TTC13: variants seen among roughly 807,000 people sequenced by gnomAD.
TTC13 encodes tetratricopeptide repeat domain 13, also known as tetratricopeptide repeat protein 13.
In TTC13, 62 loss-of-function variants were observed where a neutral mutation model predicts 120.0. That is an observed-to-expected ratio of 0.52 (90% CI 0.42 to 0.64). TTC13 has a LOEUF of 0.64. Ranked by LOEUF, TTC13 falls within the 30% of genes least tolerant of loss-of-function variation. The pLI is 0.00. For missense variants in TTC13, 824 were observed against 1,050.2 expected, an observed-to-expected ratio of 0.78 and a Z score of 2.98; for synonymous variants, 384 against 393.5, an observed-to-expected ratio of 0.98 and a Z score of 0.28.
In TTC13 at chr1:230,931,819, G is replaced by A; in HGVS notation, c.1042C>T (p.Gln348Ter). 6.2e-7 allele frequency: 1 copy of A among 1,614,140 alleles called. No homozygotes were observed. Among genetic ancestry groups the A allele is most frequent in the Non-Finnish European group, 8.5e-7 (1 of 1,180,020 alleles). Reference sequence around the variant, plus strand: ...AGCTGGAGGGTTTGCACATGATTTTGGTTGAGCAACAGTGCCTTTTGAAAG... The same window carrying A: ...AGCTGGAGGGTTTGCACATGATTTTAGTTGAGCAACAGTGCCTTTTGAAAG... ...ESFQKALLLN[Q>*]NHVQTLQLRG... Residue 348 changes from glutamine (Q) to a stop codon, truncating the protein, a stop_gained, in exon 10 of 23, where the codon CAA becomes TAA. Transcript: ENST00000366661. LOFTEE classifies it high-confidence loss of function.
rs112287874 is a variant in TTC13 at position 230,946,940 on chromosome 1, C to T, written c.514-1486G>A. ...TCATATTTCATAAATCATACTTATA[C>T]GTGATTGTGTGAGCCATTAGGTGCA... On this transcript the variant is annotated intron_variant, in intron 4 of 22. Transcript: ENST00000366661. Among the ~76,000 whole-genome samples, 1,372 of 152,072 alleles carry T rather than the reference C, an allele frequency of 9.0e-3. 13 individuals carry two copies. Among genetic ancestry groups the T allele is most frequent in the Non-Finnish European group, 0.014 (922 of 68,006 alleles).
chr1:230,949,554 C>T (rs1019467872), intron 4 of TTC13, among the ~76,000 whole-genome samples: 1 of 151,282 alleles, frequency 6.6e-6, no homozygotes, highest in Non-Finnish European at 1.5e-5. Flanking sequence ...TCAAGTCACC[C>T]CATGGTCTCA....
At chr1:230,956,271 T>C (rs1676076115) in intron 3 of TTC13, 1 of 167,022 alleles carries the variant, frequency 6.0e-6, no homozygotes, top group Non-Finnish European at 1.3e-5. Flanking sequence ...CAAACCACTG[T>C]GCACTGGAGG....
rs759466235 is a variant in TTC13, at chr1:230,939,529, T to C, written c.790-33A>G. 9 of 1,375,530 alleles carry C rather than the reference T, an allele frequency of 6.5e-6. No homozygotes were observed. In the African/African-American group the frequency reaches 1.0e-4, roughly 15 times the overall value. 85.2% of individuals were successfully genotyped at this position (1,375,530 alleles called of 1,614,324 possible). On this transcript the variant is annotated intron_variant, in intron 7 of 22. Coordinates refer to ENST00000366661, the MANE Select transcript of TTC13 (RefSeq NM_024525.5). ...AAGGAGAGTGGGGGGAAAAATAAAA[T>C]AGTATTCATTAGATATGTGAACATT... is the stretch of plus-strand genomic sequence containing the variant.
rs1389034027 is a variant in TTC13, at chr1:230,940,538, G to A, written c.691C>T (p.Arg231Ter). ...AGGTCATTCACTGCTTCATTAATTC[G>A]TCCCAGAGGGGACAGAATCTAGAAA... ...QRAEILSPLG[R>*]INEAVNDLTK... The change falls in exon 7 of 23, where the codon CGA (arginine) becomes TGA (stop). Residue 231 changes from arginine (R) to a stop codon, truncating the protein, a stop_gained. Transcript: ENST00000366661. LOFTEE classifies it high-confidence loss of function. This position sits in a 1 kb window ranked among gnomAD's most constrained non-coding sequence, Gnocchi z 4.1. 5.6e-6 allele frequency: 9 copies of A among 1,611,204 alleles called. No homozygotes were observed. The highest frequency in any genetic ancestry group is 2.2e-5 in the East Asian group (1 of 44,850).
At chr1:230,922,858 A>T (rs1672709463) in intron 15 of TTC13, among the ~76,000 whole-genome samples, 1 of 152,158 alleles carries the variant, frequency 6.6e-6, no homozygotes. Context: ...TCCCTTCTGT[A>T]TCCCCAACAC....
Position 230,940,223 on chromosome 1 carries a change from A to C in TTC13, c.789+217T>G. Among the ~76,000 whole-genome samples, 1 of 152,246 alleles carries C rather than the reference A, an allele frequency of 6.6e-6. No homozygotes were observed. Among genetic ancestry groups the C allele is most frequent in the East Asian group, 1.9e-4 (1 of 5,200 alleles). ...TTTTTTTAAATGCCAGTCCAGAATTAGTTATTGCTGACAGCTCAAACAAGA... is the reference window on the plus strand; with the variant it reads ...TTTTTTTAAATGCCAGTCCAGAATTCGTTATTGCTGACAGCTCAAACAAGA... On this transcript the variant is annotated intron_variant, in intron 7 of 22. Coordinates refer to ENST00000366661, the MANE Select transcript of TTC13 (RefSeq NM_024525.5). The surrounding 1 kb of genome is among the most constrained non-coding windows in gnomAD (Gnocchi z 4.1).
chr1:230,920,315 T>G (rs920894472), intron 17 of TTC13, 195 bp downstream of exon 17: 1 of 421,282 alleles, frequency 2.4e-6, no homozygotes, highest in African/African-American at 2.1e-5. Context: ...TTTTCTATAT[T>G]AACTGCTTCC....
At chr1:230,909,096 C>A (rs1671235018) in intron 20 of TTC13, 76 bp from the exon 21 acceptor site, 1 of 1,186,486 alleles carries the variant, frequency 8.4e-7, no homozygotes, top group Non-Finnish European at 1.2e-6. Context: ...CCATGGACTT[C>A]CCATCATGAA....
At chr1:230,948,091 CTCATCATATCATT>C (rs1203875171) in intron 4 of TTC13, among the ~76,000 whole-genome samples, 2 of 152,210 alleles carry the variant, frequency 1.3e-5, no homozygotes, top group African/African-American at 4.8e-5. Flanking sequence ...ACACTAAAGT[CTCATCATATCATT>C]TCCCTAACTG....
At chr1:230,920,454 C>A (rs1672477655) in intron 17 of TTC13, 56 bp downstream of exon 17, 4 of 1,213,570 alleles carry the variant, frequency 3.3e-6, no homozygotes, top group Non-Finnish European at 4.9e-6. Context: ...TAAAAAAGTG[C>A]TGTTGGTTTT....
intron 3 of TTC13, among the ~76,000 whole-genome samples, chr1:230,955,572 G>T (rs2102941615): frequency 6.6e-6 from 1 of 151,090 alleles, no homozygotes; most frequent in South Asian, 2.1e-4. Flanking sequence ...TCAGGAGGCT[G>T]AGGCAGGAGA....
chr1:230,977,108 T>A lies in TTC13; in HGVS notation c.271+1452A>T, dbSNP rs531161352. On this transcript the variant is annotated intron_variant, in intron 1 of 22. Coordinates refer to ENST00000366661, the MANE Select transcript of TTC13 (RefSeq NM_024525.5). ...TGGCAGCTGTGGGATCTCAAGAAGA[T>A]GACAATTTCACTATGTTTCAGTTTG... is the stretch of plus-strand genomic sequence containing the variant. Among the ~76,000 whole-genome samples, 10 of 152,300 alleles carry A rather than the reference T, an allele frequency of 6.6e-5. No homozygotes were observed. In the East Asian group the frequency reaches 1.9e-3, roughly 29 times the overall value.
chr1:230,971,108 G>A (rs1677687111), intron 1 of TTC13, among the ~76,000 whole-genome samples: 1 of 152,080 alleles, frequency 6.6e-6, no homozygotes, highest in Non-Finnish European at 1.5e-5. Flanking sequence ...CACTTTGGGA[G>A]GCCGAGGCAG....
intron 11 of TTC13, among the ~76,000 whole-genome samples, chr1:230,930,521 G>A (rs905390511): frequency 1.3e-5 from 2 of 152,072 alleles, no homozygotes; most frequent in Admixed American, 1.3e-4. Context: ...ACTAATAAAA[G>A]GGTAACTGCA....
At chr1:230,916,372 G>A (rs1034861732) in intron 17 of TTC13, 70 bp from the exon 18 acceptor site, 4 of 1,114,502 alleles carry the variant, frequency 3.6e-6, no homozygotes, top group Non-Finnish European at 5.5e-6. Context: ...CAACTCTGTA[G>A]TGCTGGCTCT....
At chr1:230,931,572 G>C in intron 10 of TTC13, 100 bp from the exon 11 acceptor site, 2 of 1,488,720 alleles carry the variant, frequency 1.3e-6, no homozygotes, top group East Asian at 2.3e-5. Context: ...GGTTAAACCA[G>C]ACCTGTAAAC....
chr1:230,917,870 A>G (rs1249488713), intron 17 of TTC13, among the ~76,000 whole-genome samples: 5 of 152,246 alleles, frequency 3.3e-5, no homozygotes, highest in Non-Finnish European at 7.3e-5. Context: ...ACCCACAGGA[A>G]GGCAGCTGAA....
At chr1:230,925,761 AC>A in intron 12 of TTC13, 114 bp from the exon 13 acceptor site, 1 of 1,184,564 alleles carries the variant, frequency 8.4e-7, no homozygotes, top group Non-Finnish European at 1.2e-6. Context: ...GCAGTCTACG[AC>A]CACATAATCC....
Sources: gnomAD v4.1 joint callset for allele counts (sites outside exome capture counted in the v4.1 genomes callset) on GRCh38, gnomAD v4.1.1 for gene constraint, Gnocchi (gnomAD v3.1) non-coding constraint, MANE v1.5 for transcripts, NCBI Gene and HGNC (gene_info 2026-07-23, HGNC 2026-07-21) for gene names.